RIMBP2: variants seen among roughly 807,000 people sequenced by gnomAD.
RIMBP2 encodes RIMS-binding protein 2.
Under a neutral mutation model 118.6 loss-of-function variants are expected in RIMBP2, and 48 were observed. That is an observed-to-expected ratio of 0.40 (90% CI 0.32 to 0.51). RIMBP2 has a LOEUF of 0.51. Ranked by LOEUF, RIMBP2 falls within the 20% of genes least tolerant of loss-of-function variation. RIMBP2 has a pLI of 0.41. For synonymous variants in RIMBP2, 762 were observed against 742.9 expected, an observed-to-expected ratio of 1.03 and a Z score of -0.42; for missense variants, 1,551 against 1,768.3, an observed-to-expected ratio of 0.88 and a Z score of 2.20.
At chr12:130,444,807 AC>A (rs2078395480) in intron 10 of RIMBP2, among the ~76,000 whole-genome samples, 1 of 152,102 alleles carries the variant, frequency 6.6e-6, no homozygotes, top group South Asian at 2.1e-4. Context: ...CCTCTGGGAG[AC>A]CCTGAGGGTG....
At chr12:130,695,869 G>A (rs2065542776) in intron 1 of RIMBP2, among the ~76,000 whole-genome samples, 1 of 151,968 alleles carries the variant, frequency 6.6e-6, no homozygotes, top group South Asian at 2.1e-4. Flanking sequence ...GTTTGGATAT[G>A]GGCTTGAAGA....
intron 4 of RIMBP2, among the ~76,000 whole-genome samples, chr12:130,491,923 T>C (rs1031762800): frequency 1.3e-5 from 2 of 152,232 alleles, no homozygotes; most frequent in African/African-American, 4.8e-5. Flanking sequence ...TGCCTACAAA[T>C]GTCAGGGTGC....
chr12:130,638,435 G>A (rs191457559), intron 1 of RIMBP2, among the ~76,000 whole-genome samples: 6 of 152,200 alleles, frequency 3.9e-5, no homozygotes, highest in Non-Finnish European at 5.9e-5. Flanking sequence ...CCCGAGCTGC[G>A]GGCTAGTAAA....
Position 130,629,847 on chromosome 12 carries a change from C to G in RIMBP2, c.-351-1391G>C, listed in dbSNP as rs1417747967. On this transcript the variant is annotated intron_variant, in intron 1 of 22. Coordinates refer to ENST00000690449, the MANE Select transcript of RIMBP2 (RefSeq NM_001393629.1). Reference sequence around the variant, plus strand: ...CCTCCCCCAACCTGTCAAGACTATGCTCCAAAAGCAGTCTTGGAGTACCAA... The same window carrying G: ...CCTCCCCCAACCTGTCAAGACTATGGTCCAAAAGCAGTCTTGGAGTACCAA... Among the ~76,000 whole-genome samples the G allele has an allele frequency of 2.6e-5, 4 of 152,224 alleles. No homozygotes were observed. The East Asian group carries it at 7.7e-4, about 29-fold the overall frequency.
chr12:130,435,737 C>A (rs899663970), intron 13 of RIMBP2, among the ~76,000 whole-genome samples: 2 of 152,348 alleles, frequency 1.3e-5, no homozygotes, highest in African/African-American at 4.8e-5. Context: ...CAATGTCGAA[C>A]GAATTAGCAA....
chr12:130,537,263 A>G (rs750757978), intron 2 of RIMBP2, among the ~76,000 whole-genome samples: 1 of 152,230 alleles, frequency 6.6e-6, no homozygotes, highest in Non-Finnish European at 1.5e-5. Flanking sequence ...ACACGAGGCC[A>G]TAGTTTTGCT....
intron 21 of RIMBP2, among the ~76,000 whole-genome samples, chr12:130,400,138 C>T (rs184633537): frequency 3.8e-4 from 58 of 152,230 alleles, no homozygotes; most frequent in Non-Finnish European, 6.2e-4. Flanking sequence ...TAGTGGTTCT[C>T]GGGCCTGGCT....
At chr12:130,501,056 A>C (rs539198053) in intron 4 of RIMBP2, among the ~76,000 whole-genome samples, 109 of 152,266 alleles carry the variant, frequency 7.2e-4, no homozygotes, top group Non-Finnish European at 1.1e-3. Context: ...CCTGAACCGC[A>C]CATCCCCAGG....
intron 2 of RIMBP2, among the ~76,000 whole-genome samples, chr12:130,521,625 G>C (rs2052132021): frequency 6.6e-6 from 1 of 152,206 alleles, no homozygotes; most frequent in African/African-American, 2.4e-5. Flanking sequence ...CTGAGTGCTA[G>C]TGGTCGAGTG....
chr12:130,604,615 G>T (rs1474945591), intron 2 of RIMBP2, among the ~76,000 whole-genome samples: 2 of 44,718 alleles, frequency 4.5e-5, no homozygotes, highest in Non-Finnish European at 8.2e-5. Context: ...ACAGAGTCTC[G>T]CTCTGTCTCC....
rs1555251143 is a variant in RIMBP2 at position 130,441,405 on chromosome 12, A to AATAATAATAATC, written c.1504+442_1504+443insGATTATTATTAT. Among the ~76,000 whole-genome samples the AATAATAATAATC allele has an allele frequency of 2.5e-4, 13 of 51,912 alleles. No homozygotes were observed. The East Asian group carries it at 3.3e-3, about 13-fold the overall frequency. The allele number at this position is 51,912 out of a possible 152,430, so 34.1% of individuals were successfully genotyped here. A position where few individuals can be genotyped will look rare whatever the true frequency, so the allele number is the denominator to read the frequency against. On this transcript the variant is annotated intron_variant, in intron 11 of 22. Coordinates refer to ENST00000690449, the MANE Select transcript of RIMBP2 (RefSeq NM_001393629.1). ...GACAGAGCGAGACTCCATCTCAAAT[A>AATAATAATAATC]ATAATAATAATAATAATAATAATAA... is the stretch of plus-strand genomic sequence containing the variant.
intron 6 of RIMBP2, among the ~76,000 whole-genome samples, chr12:130,460,009 G>A (rs976747636): frequency 2.0e-5 from 3 of 152,194 alleles, no homozygotes; most frequent in African/African-American, 4.8e-5. Flanking sequence ...AATAAGCTGC[G>A]GGTAAACTAA....
chr12:130,502,318 T>C (rs2049877773), intron 4 of RIMBP2, among the ~76,000 whole-genome samples: 2 of 152,166 alleles, frequency 1.3e-5, no homozygotes, highest in African/African-American at 4.8e-5. Context: ...TGTTATGCAG[T>C]CTTATTGGGA....
chr12:130,437,687 C>G (rs2077639490), intron 12 of RIMBP2, among the ~76,000 whole-genome samples: 1 of 152,224 alleles, frequency 6.6e-6, no homozygotes, highest in Non-Finnish European at 1.5e-5. Flanking sequence ...TGGGAGAGAA[C>G]AGGGCTGAGG....
chr12:130,451,388 C>T (rs746480458), intron 7 of RIMBP2, 48 bp from the exon 8 acceptor site: 37 of 1,559,180 alleles, frequency 2.4e-5, no homozygotes, highest in South Asian at 6.0e-5. Context: ...CGAATAACAT[C>T]GTCAAAGCAC....
intron 2 of RIMBP2, among the ~76,000 whole-genome samples, chr12:130,544,314 A>G (rs2139605350): frequency 6.6e-6 from 1 of 152,350 alleles, no homozygotes; most frequent in Admixed American, 6.5e-5. Flanking sequence ...TGTTTAAGCC[A>G]TGCTGCATGG....
At chr12:130,415,740 A>C (rs1345688672) in intron 17 of RIMBP2, among the ~76,000 whole-genome samples, 1 of 152,184 alleles carries the variant, frequency 6.6e-6, no homozygotes, top group Non-Finnish European at 1.5e-5. Flanking sequence ...TAAGGCATCC[A>C]TATAGGAAAT....
At chr12:130,423,337 G>GAGTCACT (rs371262783) in intron 16 of RIMBP2, among the ~76,000 whole-genome samples, 3 of 152,346 alleles carry the variant, frequency 2.0e-5, no homozygotes, top group African/African-American at 7.2e-5. Flanking sequence ...GTGGGCGGCT[G>GAGTCACT]AGTCACTGAG....
intron 2 of RIMBP2, among the ~76,000 whole-genome samples, chr12:130,567,079 G>A (rs59293702): frequency 0.013 from 2,007 of 152,266 alleles, 43 homozygotes; most frequent in African/African-American, 0.046. Flanking sequence ...GGTATAAAAA[G>A]CTCTGACCAG....
Sources: allele counts gnomAD v4.1 joint callset (sites outside exome capture counted in the v4.1 genomes callset), GRCh38; gene constraint gnomAD v4.1.1; transcripts MANE v1.5; gene names NCBI Gene and HGNC (gene_info 2026-07-23, HGNC 2026-07-21).